SLC1A6: variants seen among roughly 807,000 people sequenced by gnomAD.
SLC1A6 encodes the protein solute carrier family 1 member 6.
Under a neutral mutation model 42.1 loss-of-function variants are expected in SLC1A6, and 15 were observed. The observed-to-expected ratio is 0.36, with a 90% confidence interval of 0.24 to 0.55. SLC1A6 has a LOEUF of 0.55. SLC1A6 is among the 20% of genes least tolerant of loss of function. The pLI is 0.88. For synonymous variants in SLC1A6, 317 were observed against 319.7 expected, an observed-to-expected ratio of 0.99 and a Z score of 0.09; for missense variants, 542 against 772.5, an observed-to-expected ratio of 0.70 and a Z score of 3.54.
chr19:14,989,728 A>G (rs912744100), intron 1 of SLC1A6, among the ~76,000 whole-genome samples: 3 of 134,080 alleles, frequency 2.2e-5, no homozygotes, highest in African/African-American at 8.8e-5. Context: ...TAATTTCAAA[A>G]CTTTGGGAGG....
intron 1 of SLC1A6, among the ~76,000 whole-genome samples, chr19:14,989,764 T>C (rs201653540): frequency 3.3e-4 from 6 of 18,042 alleles, no homozygotes; most frequent in Non-Finnish European, 4.9e-4. Context: ...GGGGGTGGGG[T>C]GTGGATCACC....
chr19:14,961,789 A>G, intron 6 of SLC1A6: 2 of 620,904 alleles, frequency 3.2e-6, no homozygotes, highest in Non-Finnish European at 5.3e-6. Flanking sequence ...CAATGCATAG[A>G]AGAATGAATG....
intron 1 of SLC1A6, among the ~76,000 whole-genome samples, chr19:15,010,055 G>A (rs375026829): frequency 2.0e-5 from 3 of 151,706 alleles, no homozygotes; most frequent in Admixed American, 6.6e-5. Context: ...GCATGGTGGT[G>A]GGCGCCTGTA....
intron 1 of SLC1A6, among the ~76,000 whole-genome samples, chr19:15,002,408 T>C (rs8105976): frequency 0.16 from 23,725 of 152,260 alleles, 2,182 homozygotes; most frequent in South Asian, 0.35. Context: ...AGTGCTGGAA[T>C]TATAGGCATG....
intron 1 of SLC1A6, among the ~76,000 whole-genome samples, chr19:14,999,405 T>C (rs929604674): frequency 2.0e-5 from 3 of 152,176 alleles, no homozygotes; most frequent in African/African-American, 7.2e-5. Context: ...GTCCCGTCTT[T>C]CTGAGTCGAC....
upstream of SLC1A6, among the ~76,000 whole-genome samples, chr19:14,983,322 A>G (rs10417780): frequency 0.72 from 109,695 of 151,926 alleles, 39,933 homozygotes; most frequent in African/African-American, 0.82. Context: ...AATGGTCCTG[A>G]GCACTTTGCT....
At chr19:15,010,463 C>T in intron 1 of SLC1A6, 1 of 502,964 alleles carries the variant, frequency 2.0e-6, no homozygotes, top group South Asian at 1.5e-5. Flanking sequence ...GGTGAGAAGC[C>T]TGGCCCTTCT....
chr19:14,963,985 T>A (rs1371862440), intron 5 of SLC1A6: 5 of 163,600 alleles, frequency 3.1e-5, no homozygotes, highest in Non-Finnish European at 6.1e-5. Flanking sequence ...CCAGCTAATT[T>A]TTTTTTAATC....
chr19:14,962,444 C>A, intron 5 of SLC1A6, 99 bp from the exon 6 acceptor site: 2 of 788,380 alleles, frequency 2.5e-6, no homozygotes, highest in Non-Finnish European at 4.2e-6. Flanking sequence ...TTCCCACACC[C>A]TGGAAGATCG....
intron 1 of SLC1A6, among the ~76,000 whole-genome samples, chr19:14,989,530 A>G (rs986442788): frequency 6.6e-6 from 1 of 151,760 alleles, no homozygotes; most frequent in Admixed American, 6.6e-5. Context: ...CAAAGTGTGG[A>G]ATTACAGGCG....
In SLC1A6 at chr19:14,954,073, C is replaced by T. The variant is rs1162505249; in HGVS notation, c.1364+62G>A. The T allele has an allele frequency of 3.5e-6, 5 of 1,409,282 alleles. No individual in the cohort carries two copies. In the African/African-American group the frequency reaches 4.3e-5, roughly 12 times the overall value. The allele number at this position is 1,409,282 out of a possible 1,614,324, so 87.3% of individuals were successfully genotyped here. On this transcript the variant is annotated intron_variant, in intron 8 of 9. Coordinates refer to ENST00000594383, the MANE Select transcript of SLC1A6 (RefSeq NM_005071.3). The stretch of plus-strand genomic sequence containing the variant: ...GCCCCCTCCTCCCTCCCCAACCCTC[C>T]CAGCCAAGCTGATGACCGCTTAAGT...
At chr19:14,970,156 G>A (rs572131973) in intron 3 of SLC1A6, among the ~76,000 whole-genome samples, 15 of 152,100 alleles carry the variant, frequency 9.9e-5, no homozygotes, top group Non-Finnish European at 1.9e-4. Context: ...GCTCGCTGCA[G>A]CCTCCTGGGT....
intron 1 of SLC1A6, among the ~76,000 whole-genome samples, chr19:15,009,670 T>C (rs972426740): frequency 1.3e-5 from 2 of 152,130 alleles, no homozygotes; most frequent in Non-Finnish European, 2.9e-5. Flanking sequence ...GTACACTATT[T>C]GGGTGATGAT....
intron 1 of SLC1A6, among the ~76,000 whole-genome samples, chr19:15,004,232 T>C (rs1262534947): frequency 1.3e-5 from 2 of 149,894 alleles, no homozygotes; most frequent in African/African-American, 4.8e-5. Flanking sequence ...AACTCCCTAT[T>C]GGCCTGAGTT....
chr19:14,955,267 C>T (rs1282220574), intron 7 of SLC1A6, among the ~76,000 whole-genome samples: 1 of 152,070 alleles, frequency 6.6e-6, no homozygotes, highest in Non-Finnish European at 1.5e-5. Flanking sequence ...CCCTGACCAG[C>T]GTTATGGGCA....
intron 4 of SLC1A6, among the ~76,000 whole-genome samples, chr19:14,966,685 A>G (rs1050546159): frequency 1.3e-4 from 20 of 152,182 alleles, no homozygotes; most frequent in African/African-American, 4.8e-4. Flanking sequence ...CCATGCAAAT[A>G]CTATGCAGCC....
At chr19:15,003,072 G>A (rs1444868072) in intron 1 of SLC1A6, among the ~76,000 whole-genome samples, 1 of 151,966 alleles carries the variant, frequency 6.6e-6, no homozygotes, top group Non-Finnish European at 1.5e-5. Flanking sequence ...TCCGCCCCCC[G>A]GGTTCAAGCG....
intron 6 of SLC1A6, among the ~76,000 whole-genome samples, chr19:14,960,463 G>T (rs558205708): frequency 6.6e-6 from 1 of 152,272 alleles, no homozygotes; most frequent in East Asian, 1.9e-4. Flanking sequence ...GAAAATGAAT[G>T]AACCGATAGA....
chr19:14,955,436 C>CAAA (rs374921005), intron 7 of SLC1A6, among the ~76,000 whole-genome samples: 11 of 150,940 alleles, frequency 7.3e-5, no homozygotes, highest in East Asian at 3.9e-4. Flanking sequence ...ACAACAACAA[C>CAAA]AAAAAAAACT....
Sources: allele counts gnomAD v4.1 joint callset (sites outside exome capture counted in the v4.1 genomes callset), GRCh38; gene constraint gnomAD v4.1.1; transcripts MANE v1.5; gene names NCBI Gene and HGNC (gene_info 2026-07-23, HGNC 2026-07-21).